The following BACH1 variants were observed in gnomAD, a reference collection of about 807,000 sequenced individuals.
BACH1 encodes the protein transcription regulator protein BACH1.
BACH1 carries 35 observed loss-of-function variants against 52.9 expected under a neutral mutation model. The ratio of observed to expected loss-of-function variants is 0.66; its 90% confidence interval spans 0.51 to 0.88. BACH1 has a LOEUF of 0.88. BACH1 is among the 40% of genes least tolerant of loss of function. BACH1 has a pLI of 0.00. For missense variants in BACH1, 808 were observed against 872.6 expected, an observed-to-expected ratio of 0.93 and a Z score of 0.93; for synonymous variants, 321 against 319.6, an observed-to-expected ratio of 1.00 and a Z score of -0.05.
chr21:29,358,772 AAGAAAG>A (rs2089251573), intron 2 of BACH1, among the ~76,000 whole-genome samples: 2 of 81,484 alleles, frequency 2.5e-5, no homozygotes, highest in Admixed American at 1.1e-4. Context: ...AAGAAAAGAA[AAGAAAG>A]AAAGAAAGAA....
At chr21:29,318,789 G>A (rs1277957952) in intron 1 of BACH1, among the ~76,000 whole-genome samples, 2 of 152,026 alleles carry the variant, frequency 1.3e-5, no homozygotes, top group South Asian at 2.1e-4. Flanking sequence ...TTAGATTTCC[G>A]TTTCTAAGGC....
chr21:29,335,040 CTGT>C (rs755798712), intron 4 of BACH1, among the ~76,000 whole-genome samples: 9 of 152,172 alleles, frequency 5.9e-5, no homozygotes, highest in Non-Finnish European at 8.8e-5. Context: ...TATACCAGAG[CTGT>C]TGTTAAGGCC....
At chr21:29,330,967 CAAAA>C (rs1056409059) in intron 4 of BACH1, among the ~76,000 whole-genome samples, 3 of 145,116 alleles carry the variant, frequency 2.1e-5, no homozygotes, top group South Asian at 4.3e-4. Flanking sequence ...AAAAAAAAAA[CAAAA>C]AACCCAAACA....
chr21:29,353,256 A>G (rs998888874), intron 2 of BACH1, among the ~76,000 whole-genome samples: 12 of 152,192 alleles, frequency 7.9e-5, no homozygotes, highest in African/African-American at 2.7e-4. Flanking sequence ...ATTTTTGGCT[A>G]AGTTGTAAGT....
chr21:29,314,670 C>T (rs1189202373), intron 1 of BACH1, among the ~76,000 whole-genome samples: 1 of 152,098 alleles, frequency 6.6e-6, no homozygotes, highest in Non-Finnish European at 1.5e-5. Flanking sequence ...GTTATTTACT[C>T]CTCTAACAAT....
At chr21:29,338,079 TAAAAA>T (rs768637066) in intron 4 of BACH1, among the ~76,000 whole-genome samples, 1 of 151,964 alleles carries the variant, frequency 6.6e-6, no homozygotes, top group South Asian at 2.1e-4. Flanking sequence ...AACAATAAAA[TAAAAA>T]AGAAAGGATG....
chr21:29,302,200 C>T (rs1029898686), intron 1 of BACH1, among the ~76,000 whole-genome samples: 1 of 152,076 alleles, frequency 6.6e-6, no homozygotes, highest in Non-Finnish European at 1.5e-5. Context: ...TGTGGTGGAA[C>T]GATGATTTTT....
Position 29,327,188 on chromosome 21 carries a change from C to T in BACH1, c.1364C>T (p.Thr455Ile), listed in dbSNP as rs1456346860. ...SPEPGQRTFT[T>I]LSSVNCPFIS... The stretch of plus-strand genomic sequence containing the variant: ...GAACCAGGTCAAAGGACTTTCACAA[C>T]ATTAAGTTCTGTCAACTGCCCTTTT... Residue 455 changes from threonine (T) to isoleucine (I), a missense_variant, in exon 3 of 5, where the codon ACA (threonine) becomes ATA (isoleucine). By Grantham distance (89) the Thr-to-Ile change is moderately conservative. Coordinates refer to ENST00000286800, the MANE Select transcript of BACH1 (RefSeq NM_001186.4). The T allele has an allele frequency of 3.0e-5, 49 of 1,614,112 alleles. No individual in the cohort carries two copies. The highest frequency in any genetic ancestry group is 4.0e-5 in the Non-Finnish European group (47 of 1,180,060).
intron 4 of BACH1, among the ~76,000 whole-genome samples, chr21:29,331,178 C>T (rs981897229): frequency 2.6e-5 from 4 of 152,124 alleles, no homozygotes; most frequent in African/African-American, 9.7e-5. Flanking sequence ...AGTTTTTATT[C>T]TGTGCTGCAA....
At position 29,326,958 on chromosome 21, in the gene BACH1, T is replaced by C; in HGVS notation, c.1134T>C (p.Asp378=). 6.2e-7 allele frequency: 1 copy of C among 1,614,168 alleles called. No individual in the cohort carries two copies. The highest frequency in any genetic ancestry group is 8.5e-7 in the Non-Finnish European group (1 of 1,180,034). Residue 378 remains aspartate (D), a synonymous_variant, in exon 3 of 5, where the codon GAT becomes GAC. Coordinates refer to ENST00000286800, the MANE Select transcript of BACH1 (RefSeq NM_001186.4). ...AATCCGACTTGGGCACCAGGGAAGA[T>C]AGTAGTGTTGCATCTAGTGATAGGA... is the stretch of plus-strand genomic sequence containing the variant. ...PLKSDLGTRE[D]SSVASSDRSS...
At position 29,343,280 on chromosome 21, in the gene BACH1, A is replaced by G. The variant is rs145172120; in HGVS notation, c.*447A>G. 82 of 155,402 alleles carry G rather than the reference A, an allele frequency of 5.3e-4. No homozygotes were observed. The East Asian group carries it at 0.014, about 27-fold the overall frequency. The allele number at this position is 155,402 out of a possible 1,614,324, so 9.6% of individuals were successfully genotyped here. On this transcript the variant is annotated 3_prime_UTR_variant, in exon 5 of 5. Transcript: ENST00000286800. ...TTGAAAGAAAATTTCTTCCCAAGCAATGCTAATAGAGTTCTATTCTTAGAA... is the reference window on the plus strand; with the variant it reads ...TTGAAAGAAAATTTCTTCCCAAGCAGTGCTAATAGAGTTCTATTCTTAGAA...
At chr21:29,359,573 A>G (rs900067782) in intron 2 of BACH1, 2 of 151,844 alleles carry the variant, frequency 1.3e-5, no homozygotes, top group Non-Finnish European at 2.9e-5. Flanking sequence ...AAAGAAAGAA[A>G]TGGGGAAAAC....
chr21:29,332,561 A>G (rs998942562), intron 4 of BACH1, among the ~76,000 whole-genome samples: 4 of 152,202 alleles, frequency 2.6e-5, no homozygotes, highest in Admixed American at 6.5e-5. Context: ...AAGCTAGACA[A>G]TGGAGCCAGG....
downstream of BACH1, among the ~76,000 whole-genome samples, chr21:29,347,503 G>GA (rs2089176440): frequency 6.6e-6 from 1 of 152,186 alleles, no homozygotes; most frequent in African/African-American, 2.4e-5. Context: ...TTAAACTAGG[G>GA]AAGTCTTAGG....
chr21:29,332,789 A>G (rs1342055872), intron 4 of BACH1, among the ~76,000 whole-genome samples: 2 of 152,226 alleles, frequency 1.3e-5, no homozygotes, highest in Non-Finnish European at 1.5e-5. Context: ...CAAGGAGAGC[A>G]TCTTACTGGC....
intron 4 of BACH1, among the ~76,000 whole-genome samples, chr21:29,334,135 C>T (rs565097347): frequency 8.7e-5 from 13 of 149,752 alleles, no homozygotes; most frequent in African/African-American, 2.2e-4. Context: ...GGCAGAGTCT[C>T]GCTCTTTTCG....
intron 1 of BACH1, among the ~76,000 whole-genome samples, chr21:29,319,770 C>T (rs914484522): frequency 6.7e-6 from 1 of 149,114 alleles, no homozygotes; most frequent in African/African-American, 2.5e-5. Flanking sequence ...CCATGGAGTC[C>T]GGCTTGGTTG....
chr21:29,345,527 A>G lies in BACH1; in HGVS notation c.*2694A>G, dbSNP rs1310448272. 6.6e-6 allele frequency: 1 copy of G among 152,278 alleles called. No individual in the cohort carries two copies. Among genetic ancestry groups the G allele is most frequent in the Non-Finnish European group, 1.5e-5 (1 of 68,028 alleles). The allele number at this position is 152,278 out of a possible 1,614,324, so 9.4% of individuals were successfully genotyped here. On this transcript the variant is annotated 3_prime_UTR_variant, in exon 5 of 5. Transcript: ENST00000286800. ...TTTTTTTTCTTATTCAAATTCTGGA[A>G]CTATAGCAAATAATTCGTTAAATTG...
intron 2 of BACH1, chr21:29,352,721 T>G (rs1335761554): frequency 1.3e-5 from 2 of 151,716 alleles, no homozygotes; most frequent in African/African-American, 4.9e-5. Flanking sequence ...GTTTTTGTTT[T>G]TTTTTTTTGA....
Sources: allele counts gnomAD v4.1 joint callset (sites outside exome capture counted in the v4.1 genomes callset), GRCh38; gene constraint gnomAD v4.1.1; transcripts MANE v1.5; gene names NCBI Gene and HGNC (gene_info 2026-07-23, HGNC 2026-07-21).